Variants in ZNF385D observed in about 807,000 individuals in gnomAD.
ZNF385D encodes the protein zinc finger protein 659.
A neutral mutation model predicts 35.8 loss-of-function variants in ZNF385D; 15 were observed. The observed-to-expected ratio is 0.42, with a 90% CI of 0.28 to 0.64. ZNF385D has a LOEUF of 0.64. ZNF385D is among the 30% of genes least tolerant of loss of function. The probability of loss-of-function intolerance (pLI) is 0.23; values close to 1 mark genes in which losing one functional copy is unlikely to be tolerated. For missense variants in ZNF385D, 474 were observed against 494.6 expected, an observed-to-expected ratio of 0.96 and a Z score of 0.39; for synonymous variants, 212 against 186.8, an observed-to-expected ratio of 1.13 and a Z score of -1.10.
intron 2 of ZNF385D, among the ~76,000 whole-genome samples, chr3:22,353,267 G>T (rs1178479074): frequency 6.6e-6 from 1 of 152,124 alleles, no homozygotes; most frequent in Admixed American, 6.5e-5. Flanking sequence ...TCTGTGCCAT[G>T]CCAAGTAACA....
chr3:22,016,347 T>C (rs777934631), intron 3 of ZNF385D, among the ~76,000 whole-genome samples: 3 of 152,100 alleles, frequency 2.0e-5, no homozygotes, highest in Non-Finnish European at 4.4e-5. Flanking sequence ...ATGGCATTAG[T>C]GCTGAGGCTG....
chr3:22,300,870 A>G (rs1368830465), intron 2 of ZNF385D, among the ~76,000 whole-genome samples: 1 of 152,078 alleles, frequency 6.6e-6, no homozygotes, highest in Admixed American at 6.6e-5. Flanking sequence ...TATGAAAAAC[A>G]GTATGGAGTT....
intron 2 of ZNF385D, among the ~76,000 whole-genome samples, chr3:22,238,344 C>A (rs1699305971): frequency 6.6e-6 from 1 of 151,014 alleles, no homozygotes; most frequent in Admixed American, 6.6e-5. Context: ...TCCATTTCTC[C>A]AAAGAACATA....
Position 21,437,020 on chromosome 3 carries a change from A to G in ZNF385D, c.623T>C (p.Leu208Pro). The stretch of plus-strand genomic sequence containing the variant: ...GGCAGAGTTGACAGCAACCTTGCAT[A>G]GCGAACAGTAAAGAAGCCGTTTTGC... ...EKAKRLLYCS[L>P]CKVAVNSASQ... is the part of the protein sequence containing the mutation. Residue 208 changes from leucine (L) to proline (P), a missense_variant, in exon 5 of 8, where the codon CTA becomes CCA. Transcript: ENST00000281523. 1 of 1,613,960 alleles carries G rather than the reference A, an allele frequency of 6.2e-7. No homozygotes were observed. The highest frequency in any genetic ancestry group is 8.5e-7 in the Non-Finnish European group (1 of 1,179,880).
intron 3 of ZNF385D, among the ~76,000 whole-genome samples, chr3:21,809,711 TACATATATATACACAC>T (rs1446259637): frequency 4.6e-5 from 7 of 151,098 alleles, no homozygotes; most frequent in Admixed American, 2.0e-4. Context: ...TACACATATA[TACATATATATACACAC>T]ACATATATAT....
chr3:22,150,008 A>C (rs1196131462), intron 3 of ZNF385D, among the ~76,000 whole-genome samples: 1 of 152,200 alleles, frequency 6.6e-6, no homozygotes, highest in East Asian at 1.9e-4. Flanking sequence ...TAACTCAGTT[A>C]TTTCAGATGA....
intron 3 of ZNF385D, among the ~76,000 whole-genome samples, chr3:22,017,135 T>C (rs1696942782): frequency 6.6e-6 from 1 of 152,084 alleles, no homozygotes; most frequent in Non-Finnish European, 1.5e-5. Flanking sequence ...AACATTTTGT[T>C]ATATATTTTT....
chr3:22,040,201 T>C (rs905976925), intron 3 of ZNF385D, among the ~76,000 whole-genome samples: 1 of 152,182 alleles, frequency 6.6e-6, no homozygotes, highest in Non-Finnish European at 1.5e-5. Context: ...CACATCTTTG[T>C]AAATGCTTCC....
At chr3:22,365,155 G>C (rs904579769) in intron 2 of ZNF385D, among the ~76,000 whole-genome samples, 1 of 151,932 alleles carries the variant, frequency 6.6e-6, no homozygotes, top group African/African-American at 2.4e-5. Flanking sequence ...GATGAAAAGA[G>C]TTCTAGAGAT....
intron 3 of ZNF385D, among the ~76,000 whole-genome samples, chr3:21,797,986 A>G (rs952376539): frequency 1.3e-5 from 2 of 152,184 alleles, no homozygotes; most frequent in East Asian, 3.9e-4. Flanking sequence ...TAAAATGTAC[A>G]ACACCAACAG....
intron 3 of ZNF385D, among the ~76,000 whole-genome samples, chr3:21,863,860 T>A (rs73052622): frequency 0.068 from 10,305 of 152,166 alleles, 459 homozygotes; most frequent in Middle Eastern, 0.18. Context: ...CAGGCCTCTA[T>A]AAAATATGAA....
chr3:21,921,873 AT>A (rs1332802147), intron 3 of ZNF385D, among the ~76,000 whole-genome samples: 1 of 151,598 alleles, frequency 6.6e-6, no homozygotes, highest in Non-Finnish European at 1.5e-5. Context: ...CAACCAAAAG[AT>A]GCCCTAGAAC....
chr3:21,557,040 GT>G (rs1222047051), intron 3 of ZNF385D, among the ~76,000 whole-genome samples: 2 of 152,174 alleles, frequency 1.3e-5, no homozygotes, highest in Non-Finnish European at 2.9e-5. Context: ...CTTTGCTGAA[GT>G]TTTTATCAGT....
At chr3:22,100,553 A>C (rs1256825399) in intron 3 of ZNF385D, among the ~76,000 whole-genome samples, 1 of 152,072 alleles carries the variant, frequency 6.6e-6, no homozygotes, top group African/African-American at 2.4e-5. Flanking sequence ...ATGAAATTGG[A>C]AATCATCCTT....
intron 3 of ZNF385D, among the ~76,000 whole-genome samples, chr3:21,774,642 G>A (rs928285602): frequency 1.3e-5 from 2 of 151,702 alleles, no homozygotes; most frequent in Non-Finnish European, 2.9e-5. Context: ...AGAGAGAAGT[G>A]ATTAGAGACA....
intron 3 of ZNF385D, among the ~76,000 whole-genome samples, chr3:21,870,804 A>G (rs1697650222): frequency 6.6e-6 from 1 of 152,022 alleles, no homozygotes; most frequent in Admixed American, 6.6e-5. Context: ...GCTCTGAGTG[A>G]TTCTGATGTC....
At chr3:21,817,793 A>G (rs1381514331) in intron 3 of ZNF385D, among the ~76,000 whole-genome samples, 1 of 152,134 alleles carries the variant, frequency 6.6e-6, no homozygotes, top group East Asian at 1.9e-4. Flanking sequence ...AGAACTAGAA[A>G]TACCATTTGA....
chr3:21,826,506 GAGA>G (rs779298635), intron 3 of ZNF385D, among the ~76,000 whole-genome samples: 22 of 152,280 alleles, frequency 1.4e-4, no homozygotes, highest in African/African-American at 4.8e-4. Context: ...GCAAGGGGTG[GAGA>G]AGAAGAGGTT....
In ZNF385D at chr3:21,444,521, A is replaced by C. The variant is rs563099365; in HGVS notation, c.440-7318T>G. On this transcript the variant is annotated intron_variant, in intron 4 of 7. Transcript: ENST00000281523. ...TGCCTCAGCCTCCTGAGTAGCTGGGATTACAGGCACACACCACCACGCCCA... is the reference window on the plus strand; with the variant it reads ...TGCCTCAGCCTCCTGAGTAGCTGGGCTTACAGGCACACACCACCACGCCCA... Among the ~76,000 whole-genome samples, 8 of 150,550 alleles carry C rather than the reference A, an allele frequency of 5.3e-5. No homozygotes were observed. In the East Asian group the frequency reaches 1.6e-3, roughly 30 times the overall value.
Sources: allele counts gnomAD v4.1 joint callset (sites outside exome capture counted in the v4.1 genomes callset), GRCh38; gene constraint gnomAD v4.1.1; transcripts MANE v1.5; gene names NCBI Gene and HGNC (gene_info 2026-07-23, HGNC 2026-07-21).